Variants in INTS2 observed in about 807,000 individuals in gnomAD.
The protein encoded by INTS2 is integrator complex subunit 2.
In INTS2, 57 loss-of-function variants were observed where a neutral mutation model predicts 139.6. The observed-to-expected ratio is 0.41, with a 90% confidence interval of 0.33 to 0.51. INTS2 has a LOEUF of 0.51. Among genes scored for constraint, INTS2 ranks in the 20% least tolerant of loss-of-function variants. INTS2 has a pLI of 0.28. For synonymous variants in INTS2, 473 were observed against 493.4 expected (o/e 0.96, Z 0.55); for missense variants, 1,196 against 1,436.7 (o/e 0.83, Z 2.71).
chr17:61,926,568 A>C lies in INTS2; in HGVS notation c.77T>G (p.Leu26Arg). The C allele has an allele frequency of 6.2e-7, 1 of 1,613,278 alleles. No homozygotes were observed. The highest frequency in any genetic ancestry group is 8.5e-7 in the Non-Finnish European group (1 of 1,179,518). Residue 26 changes from leucine (L) to arginine (R), a missense_variant, in exon 2 of 25, where the codon CTG (leucine) becomes CGG (arginine). Physicochemically the swap from Leu to Arg is moderately radical, Grantham distance 102. This residue lies in a region of INTS2 where 36 missense variants were observed against 30.1 expected (regional missense o/e 1.19). Transcript: ENST00000251334. ...TAATTCTGGATCACTTAAAGATGCC[A>C]GGCAAACAACATCCACCTTCTGCAT... ...EAMQKVDVVCLASLSDPELRL... is the reference protein window; with the variant it reads ...EAMQKVDVVCRASLSDPELRL...
chr17:61,877,455 TAA>T (rs2079136147), intron 18 of INTS2, among the ~76,000 whole-genome samples: 1 of 152,154 alleles, frequency 6.6e-6, no homozygotes, highest in Non-Finnish European at 1.5e-5. Context: ...GGGAATCTTT[TAA>T]AAAGTACTGA....
At chr17:61,878,943 A>AAAAAAAAAAAC (rs2079151168) in intron 17 of INTS2, among the ~76,000 whole-genome samples, 1 of 149,842 alleles carries the variant, frequency 6.7e-6, no homozygotes, top group African/African-American at 2.5e-5. Flanking sequence ...AAAAAAAAAA[A>AAAAAAAAAAAC]AAAAAAAAAA....
chr17:61,878,944 A>AAAAAAAAAAAAC lies in INTS2; in HGVS notation c.2255-857_2255-856insGTTTTTTTTTTT, dbSNP rs2079151408. Among the ~76,000 whole-genome samples, 3 of 137,272 alleles carry AAAAAAAAAAAAC rather than the reference A, an allele frequency of 2.2e-5. 1 individual carries two copies. Among genetic ancestry groups the AAAAAAAAAAAAC allele is most frequent in the African/African-American group, 1.0e-4 (3 of 28,810 alleles). The allele number at this position is 137,272 out of a possible 152,430, so 90.1% of individuals were successfully genotyped here. On this transcript the variant is annotated intron_variant, in intron 17 of 24. Coordinates refer to ENST00000251334, the MANE Select transcript of INTS2 (RefSeq NM_001351695.2). ...AGACCCTGTCTCCAAAAAAAAAAAA[A>AAAAAAAAAAAAC]AAAAAAAAAACACTTTACTGACCCG...
chr17:61,897,825 G>A lies in INTS2; in HGVS notation c.1308-86C>T. 1 of 988,116 alleles carries A rather than the reference G, an allele frequency of 1.0e-6. No individual in the cohort carries two copies. Among genetic ancestry groups the A allele is most frequent in the Non-Finnish European group, 1.5e-6 (1 of 658,966 alleles). The allele number at this position is 988,116 out of a possible 1,614,324, so 61.2% of individuals were successfully genotyped here. On this transcript the variant is annotated intron_variant, in intron 9 of 24. Transcript: ENST00000251334. This position sits in a 1 kb window ranked among gnomAD's most constrained non-coding sequence, Gnocchi z 4.4. The stretch of plus-strand genomic sequence containing the variant: ...AAGCATTCTGAAGTTATTTTTGGTA[G>A]AAATTATTTTTCCTGCCCTATTTTC...
Position 61,871,640 on chromosome 17 carries a change from T to C in INTS2, c.2778+625A>G, listed in dbSNP as rs540331964. Among the ~76,000 whole-genome samples, 6 of 152,028 alleles carry C rather than the reference T, an allele frequency of 3.9e-5. No individual in the cohort carries two copies. Among genetic ancestry groups the C allele is most frequent in the Non-Finnish European group, 7.4e-5 (5 of 68,000 alleles). On this transcript the variant is annotated intron_variant, in intron 20 of 24. Transcript: ENST00000251334. This position sits in a 1 kb window ranked among gnomAD's most constrained non-coding sequence, Gnocchi z 4.9. ...CACACAGTAGGTGTCCCAGTAAATA[T>C]TGGTTGAATGAGGCCGGGTGCCGTG... is the stretch of plus-strand genomic sequence containing the variant.
intron 11 of INTS2, among the ~76,000 whole-genome samples, chr17:61,896,914 T>G (rs2079355373): frequency 6.6e-6 from 1 of 152,128 alleles, no homozygotes; most frequent in Non-Finnish European, 1.5e-5. Flanking sequence ...TTCTAGAAAT[T>G]TATCCTAAGA....
rs1272943098 is a variant in INTS2 at position 61,873,910 on chromosome 17, T to C, written c.2582+1003A>G. Among the ~76,000 whole-genome samples, 1 of 152,162 alleles carries C rather than the reference T, an allele frequency of 6.6e-6. No homozygotes were observed. The highest frequency in any genetic ancestry group is 1.9e-4 in the East Asian group (1 of 5,190). ...CCTGACCCCAATTTAACTTTCCAAC[T>C]GTAAAATGTTCTCTTTTCAAAAATA... On this transcript the variant is annotated intron_variant, in intron 19 of 24. Transcript: ENST00000251334. The surrounding 1 kb of genome is among the most constrained non-coding windows in gnomAD (Gnocchi z 4.0).
Position 61,873,398 on chromosome 17 carries a change from A to T in INTS2, c.2583-938T>A, listed in dbSNP as rs1276753378. On this transcript the variant is annotated intron_variant, in intron 19 of 24. Coordinates refer to ENST00000251334, the MANE Select transcript of INTS2 (RefSeq NM_001351695.2). This position sits in a 1 kb window ranked among gnomAD's most constrained non-coding sequence, Gnocchi z 4.0. ...AATTTGAAATAAGAACATTAACATG[A>T]AAAAAGGTTCACAAGTTGTTAAGTG... is the stretch of plus-strand genomic sequence containing the variant. 6.6e-6 allele frequency among the ~76,000 whole-genome samples: 1 copy of T among 152,120 alleles called. No homozygotes were observed. The highest frequency in any genetic ancestry group is 1.5e-5 in the Non-Finnish European group (1 of 68,034).
intron 14 of INTS2, 50 bp from the exon 15 acceptor site, chr17:61,889,944 C>CT (rs749440040): frequency 9.2e-3 from 9,155 of 990,346 alleles, no homozygotes; most frequent in East Asian, 0.011. Context: ...TTCACGAGTG[C>CT]TTTTTTTTTT....
chr17:61,927,396 C>T (rs2079727386), intron 1 of INTS2: 1 of 160,716 alleles, frequency 6.2e-6, no homozygotes, highest in South Asian at 1.6e-4. Context: ...GCAGCCAAAG[C>T]AGTCCCCTCT....
At chr17:61,895,414 G>A in intron 11 of INTS2, 31 bp from the exon 12 acceptor site, 1 of 1,331,730 alleles carries the variant, frequency 7.5e-7, no homozygotes, top group East Asian at 2.4e-5. Context: ...CCAACAGCAT[G>A]TAAAAATATA....
At chr17:61,906,418 C>T (rs193090165) in intron 8 of INTS2, among the ~76,000 whole-genome samples, 28 of 152,188 alleles carry the variant, frequency 1.8e-4, no homozygotes, top group Admixed American at 1.4e-3. Flanking sequence ...AACCAGCTAC[C>T]GACAGACTTT....
In INTS2 at chr17:61,874,910, T is replaced by C; in HGVS notation, c.2582+3A>G. On this transcript the variant is annotated splice_donor_region_variant and intron_variant, in intron 19 of 24. Transcript: ENST00000251334. The stretch of plus-strand genomic sequence containing the variant: ...ATAAAAATGAAACTCAAATGACATG[T>C]ACCTGTGAACCCTCTGATCACACCT... 1 of 1,570,570 alleles carries C rather than the reference T, an allele frequency of 6.4e-7. No homozygotes were observed.
In INTS2 at chr17:61,865,646, T is replaced by C. The variant is rs2079038492; in HGVS notation, c.*1911A>G. On this transcript the variant is annotated 3_prime_UTR_variant, in exon 25 of 25. Coordinates refer to ENST00000251334, the MANE Select transcript of INTS2 (RefSeq NM_001351695.2). This position sits in a 1 kb window ranked among gnomAD's most constrained non-coding sequence, Gnocchi z 4.8. ...CTGCATTTAATTAGAAAACATACTT[T>C]TAACTTTTTCTGAACTCCTAGGGCA... The C allele has an allele frequency of 6.6e-6, 1 of 152,568 alleles. No homozygotes were observed. The highest frequency in any genetic ancestry group is 1.5e-5 in the Non-Finnish European group (1 of 68,022). 9.5% of individuals were successfully genotyped at this position (152,568 alleles called of 1,614,324 possible).
intron 9 of INTS2, among the ~76,000 whole-genome samples, chr17:61,899,088 A>T (rs1158171302): frequency 6.6e-6 from 1 of 152,266 alleles, no homozygotes; most frequent in East Asian, 1.9e-4. Flanking sequence ...TACCTAAACC[A>T]TATAACAAAT....
intron 16 of INTS2, among the ~76,000 whole-genome samples, chr17:61,883,706 C>G (rs1486736777): frequency 6.7e-6 from 1 of 150,048 alleles, no homozygotes; most frequent in Non-Finnish European, 1.5e-5. Flanking sequence ...GAGCCAAGAT[C>G]GCACCACAGT....
chr17:61,912,421 G>A (rs1005573409), intron 5 of INTS2, among the ~76,000 whole-genome samples: 21 of 149,274 alleles, frequency 1.4e-4, no homozygotes, highest in African/African-American at 4.9e-4. Context: ...TCAGGAGTTC[G>A]AGACTAGCCT....
chr17:61,875,981 C>A lies in INTS2; in HGVS notation c.2457-943G>T, dbSNP rs945206279. 2.2e-4 allele frequency among the ~76,000 whole-genome samples: 34 copies of A among 151,688 alleles called. No homozygotes were observed. Among genetic ancestry groups the A allele is most frequent in the Non-Finnish European group, 1.3e-4 (9 of 67,956 alleles). ...CCCAGGAGTTCAAGACTAGCCTGGGCAGCATAGTGAGACACCATCTCTACA... is the reference window on the plus strand; with the variant it reads ...CCCAGGAGTTCAAGACTAGCCTGGGAAGCATAGTGAGACACCATCTCTACA... On this transcript the variant is annotated intron_variant, in intron 18 of 24. Coordinates refer to ENST00000251334, the MANE Select transcript of INTS2 (RefSeq NM_001351695.2). This position sits in a 1 kb window ranked among gnomAD's most constrained non-coding sequence, Gnocchi z 4.6.
chr17:61,896,602 A>G (rs1233293648), intron 11 of INTS2, among the ~76,000 whole-genome samples: 1 of 152,214 alleles, frequency 6.6e-6, no homozygotes, highest in African/African-American at 2.4e-5. Flanking sequence ...CAAAGTCCCT[A>G]CAGGAAAATT....
Sources: gnomAD v4.1 joint callset for allele counts (sites outside exome capture counted in the v4.1 genomes callset) on GRCh38, gnomAD v4.1.1 for gene constraint, gnomAD v4.1.1 regional missense constraint, Gnocchi (gnomAD v3.1) non-coding constraint, MANE v1.5 for transcripts, NCBI Gene and HGNC (gene_info 2026-07-23, HGNC 2026-07-21) for gene names.